Variants in ZFYVE16 observed in about 807,000 individuals in gnomAD.
The protein encoded by ZFYVE16 is zinc finger FYVE-type containing 16.
In ZFYVE16, 89 loss-of-function variants were observed where a neutral mutation model predicts 138.1. The observed-to-expected ratio is 0.64, with a 90% CI of 0.54 to 0.77. The LOEUF (loss-of-function observed/expected upper bound fraction) is 0.77, where lower values mean the gene tolerates loss of function less well. ZFYVE16 is among the 30% of genes least tolerant of loss of function. ZFYVE16 has a pLI of 0.00. For missense variants in ZFYVE16, 1,793 were observed against 1,786.7 expected (o/e 1.00, Z -0.06); for synonymous variants, 596 against 618.3 (o/e 0.96, Z 0.53).
At chr5:80,449,793 C>G (rs971999633) in intron 9 of ZFYVE16, 80 bp downstream of exon 9, 2 of 1,408,952 alleles carry the variant, frequency 1.4e-6, no homozygotes, top group Non-Finnish European at 1.9e-6. Flanking sequence ...TAGATTTTGA[C>G]TGGCCATGGT....
chr5:80,412,323 A>G (rs915645283), intron 1 of ZFYVE16, among the ~76,000 whole-genome samples: 2 of 152,198 alleles, frequency 1.3e-5, no homozygotes, highest in African/African-American at 4.8e-5. Flanking sequence ...AAATATATAA[A>G]TAGCCAAGTG....
intron 1 of ZFYVE16, among the ~76,000 whole-genome samples, chr5:80,413,827 G>A (rs1278516460): frequency 6.6e-6 from 1 of 152,036 alleles, no homozygotes; most frequent in African/African-American, 2.4e-5. Context: ...TAGATATATG[G>A]CGATATCCCC....
chr5:80,467,610 CAACA>C (rs1156952628), intron 15 of ZFYVE16, among the ~76,000 whole-genome samples: 2 of 152,172 alleles, frequency 1.3e-5, no homozygotes, highest in Non-Finnish European at 2.9e-5. Flanking sequence ...AGCCACATAA[CAACA>C]AACAGCAACA....
At chr5:80,434,256 A>G in intron 3 of ZFYVE16, 39 bp downstream of exon 3, 1 of 1,601,370 alleles carries the variant, frequency 6.2e-7, no homozygotes, top group East Asian at 2.2e-5. Flanking sequence ...ATGGGATTTA[A>G]AAATATCTGT....
At chr5:80,431,655 T>C (rs1338017199) in intron 2 of ZFYVE16, among the ~76,000 whole-genome samples, 1 of 152,116 alleles carries the variant, frequency 6.6e-6, no homozygotes, top group Non-Finnish European at 1.5e-5. Flanking sequence ...ATTGTCCCTG[T>C]TTGCAGATAA....
intron 15 of ZFYVE16, among the ~76,000 whole-genome samples, chr5:80,461,967 A>AAAAAC (rs1753171631): frequency 2.0e-5 from 3 of 152,150 alleles, no homozygotes; most frequent in South Asian, 4.2e-4. Context: ...GACTGTCTCA[A>AAAAAC]AAAACAAAAC....
chr5:80,408,360 T>C (rs1166255030), intron 1 of ZFYVE16, among the ~76,000 whole-genome samples: 1 of 152,222 alleles, frequency 6.6e-6, no homozygotes, highest in African/African-American at 2.4e-5. Flanking sequence ...TGTCCCCTCC[T>C]GGAGCCTGAA....
intron 1 of ZFYVE16, among the ~76,000 whole-genome samples, chr5:80,424,191 C>T (rs1211172537): frequency 1.3e-5 from 2 of 152,050 alleles, no homozygotes; most frequent in African/African-American, 2.4e-5. Context: ...AGGTGATCCA[C>T]CCACCTTGGC....
Position 80,437,620 on chromosome 5 carries a change from T to C in ZFYVE16, c.935T>C (p.Leu312Ser). The C allele has an allele frequency of 1.2e-6, 2 of 1,612,604 alleles. No homozygotes were observed. The highest frequency in any genetic ancestry group is 1.7e-6 in the Non-Finnish European group (2 of 1,179,528). The change falls in exon 4 of 19, where the codon TTA (leucine) becomes TCA (serine). Residue 312 changes from leucine (L) to serine (S), a missense_variant. This residue lies in a region of ZFYVE16 where 1,295 missense variants were observed against 1,204.3 expected (regional missense o/e 1.08). Transcript: ENST00000505560. ...TGCAGCCTTCCGAAAAATGAAGATTTATGCTTAAATGATTCAAATTCAAGA... is the reference window on the plus strand; with the variant it reads ...TGCAGCCTTCCGAAAAATGAAGATTCATGCTTAAATGATTCAAATTCAAGA... The part of the protein sequence containing the change: ...LTCSLPKNED[L>S]CLNDSNSRDE...
intron 7 of ZFYVE16, among the ~76,000 whole-genome samples, chr5:80,446,443 T>C (rs1322100238): frequency 6.6e-6 from 1 of 152,222 alleles, no homozygotes; most frequent in East Asian, 1.9e-4. Flanking sequence ...AACAAAAGTT[T>C]AGTGAGAATA....
At chr5:80,472,957 T>C in intron 16 of ZFYVE16, 34 bp downstream of exon 16, 2 of 1,541,540 alleles carry the variant, frequency 1.3e-6, no homozygotes, top group South Asian at 2.5e-5. Context: ...TATAATTGAT[T>C]TGAAGGAAAG....
intron 15 of ZFYVE16, among the ~76,000 whole-genome samples, chr5:80,465,166 C>A (rs142279670): frequency 0.011 from 1,658 of 152,094 alleles, 32 homozygotes; most frequent in African/African-American, 0.037. Context: ...AGTCTAGCAT[C>A]CTTTTATTTA....
chr5:80,451,786 A>C, intron 11 of ZFYVE16, 77 bp downstream of exon 11: 3 of 1,334,198 alleles, frequency 2.2e-6, no homozygotes, highest in Non-Finnish European at 1.0e-6. Context: ...AATCATTAAA[A>C]TCAATTTTAA....
chr5:80,461,566 C>T lies in ZFYVE16; in HGVS notation c.4024+2072C>T, dbSNP rs952962983. Among the ~76,000 whole-genome samples, 99 of 152,152 alleles carry T rather than the reference C, an allele frequency of 6.5e-4. 2 individuals are homozygous for T. Among genetic ancestry groups the T allele is most frequent in the African/African-American group, 2.1e-3 (87 of 41,432 alleles). Reference sequence around the variant, plus strand: ...CTCACAATTCTAGAGGCTAGAAGTCCAAGATCAAGGTGCCAACAGGGTTGG... The same window carrying T: ...CTCACAATTCTAGAGGCTAGAAGTCTAAGATCAAGGTGCCAACAGGGTTGG... On this transcript the variant is annotated intron_variant, in intron 15 of 18. Coordinates refer to ENST00000505560, the MANE Select transcript of ZFYVE16 (RefSeq NM_001284236.3).
chr5:80,457,507 T>C (rs1197300788), intron 14 of ZFYVE16, among the ~76,000 whole-genome samples: 1 of 152,214 alleles, frequency 6.6e-6, no homozygotes, highest in Non-Finnish European at 1.5e-5. Context: ...GACATTACTC[T>C]CAGCTCTGGC....
chr5:80,464,289 A>G (rs556272046), intron 15 of ZFYVE16, among the ~76,000 whole-genome samples: 52 of 152,274 alleles, frequency 3.4e-4, no homozygotes, highest in Non-Finnish European at 6.6e-4. Context: ...ACTTATGATC[A>G]TGGCAGAAGG....
rs73121782 is a variant in ZFYVE16 at position 80,463,519 on chromosome 5, T to C, written c.4024+4025T>C. Among the ~76,000 whole-genome samples, 1,372 of 151,946 alleles carry C rather than the reference T, an allele frequency of 9.0e-3. 28 individuals are homozygous for C. Among genetic ancestry groups the C allele is most frequent in the African/African-American group, 0.032 (1,308 of 41,214 alleles). ...CCTCCAGGCCTGTAATGGGAGGGAC[T>C]GTTGTGAAGGTCTCTGGTATGCCCT... On this transcript the variant is annotated intron_variant, in intron 15 of 18. Coordinates refer to ENST00000505560, the MANE Select transcript of ZFYVE16 (RefSeq NM_001284236.3).
At chr5:80,471,133 G>C (rs1380041680) in intron 15 of ZFYVE16, among the ~76,000 whole-genome samples, 1 of 152,082 alleles carries the variant, frequency 6.6e-6, no homozygotes, top group Admixed American at 6.5e-5. Flanking sequence ...GGATGCATGG[G>C]GGGTGCCTGT....
intron 3 of ZFYVE16, among the ~76,000 whole-genome samples, chr5:80,434,698 G>A (rs574973834): frequency 1.3e-4 from 20 of 151,878 alleles, no homozygotes; most frequent in African/African-American, 4.8e-4. Flanking sequence ...CTCGAATTCC[G>A]GGGTTCAAGT....
Sources: gnomAD v4.1 joint callset for allele counts (sites outside exome capture counted in the v4.1 genomes callset) on GRCh38, gnomAD v4.1.1 for gene constraint, gnomAD v4.1.1 regional missense constraint, MANE v1.5 for transcripts, NCBI Gene and HGNC (gene_info 2026-07-23, HGNC 2026-07-21) for gene names.